PLEKHG1: variants seen among roughly 807,000 people sequenced by gnomAD.
PLEKHG1 encodes the protein pleckstrin homology domain-containing family G member 1.
A neutral mutation model predicts 100.8 loss-of-function variants in PLEKHG1; 44 were observed. That is an observed-to-expected ratio of 0.44 (90% CI 0.34 to 0.56). The LOEUF is 0.56. PLEKHG1 is among the 20% of genes least tolerant of loss of function. The pLI is 0.01. For missense variants in PLEKHG1, 1,545 were observed against 1,720.9 expected, an observed-to-expected ratio of 0.90 and a Z score of 1.81; for synonymous variants, 640 against 662.5, an observed-to-expected ratio of 0.97 and a Z score of 0.52.
At chr6:150,822,989 A>T (rs1776390459) in intron 13 of PLEKHG1, among the ~76,000 whole-genome samples, 5 of 152,216 alleles carry the variant, frequency 3.3e-5, no homozygotes, top group Admixed American at 3.3e-4. Context: ...CAAAAAAAAT[A>T]AAAAATAAAT....
intron 1 of PLEKHG1, among the ~76,000 whole-genome samples, chr6:150,726,663 A>AT (rs563628666): frequency 0.012 from 1,781 of 151,656 alleles, 34 homozygotes; most frequent in African/African-American, 0.041. Context: ...GGGTAACAAG[A>AT]TTTTTTTTTC....
At chr6:150,656,120 A>AT (rs1352091495) in intron 3 of PLEKHG1, among the ~76,000 whole-genome samples, 2 of 151,828 alleles carry the variant, frequency 1.3e-5, no homozygotes, top group South Asian at 2.1e-4. Context: ...AAATCAACCA[A>AT]TAAAAAAAAA....
chr6:150,702,833 C>T (rs753765465), intron 3 of PLEKHG1, among the ~76,000 whole-genome samples: 1 of 152,160 alleles, frequency 6.6e-6, no homozygotes, highest in Non-Finnish European at 1.5e-5. Flanking sequence ...CTTGTTGCCT[C>T]AGGGCTGTTC....
chr6:150,810,500 GA>G (rs1787434520), intron 10 of PLEKHG1, among the ~76,000 whole-genome samples: 2 of 76,126 alleles, frequency 2.6e-5, no homozygotes, highest in African/African-American at 4.8e-5. Flanking sequence ...AGGAAGGAGG[GA>G]AAGAAAGAAA....
At chr6:150,786,240 G>T (rs1263773313) in intron 3 of PLEKHG1, 150 bp from the exon 5 acceptor site, 2 of 628,860 alleles carry the variant, frequency 3.2e-6, no homozygotes, top group Non-Finnish European at 5.6e-6. Flanking sequence ...CCTTACCTAA[G>T]CCTTGGATAC....
At chr6:150,794,117 G>A (rs539323680) in intron 4 of PLEKHG1, among the ~76,000 whole-genome samples, 2 of 152,078 alleles carry the variant, frequency 1.3e-5, no homozygotes, top group African/African-American at 4.8e-5. Flanking sequence ...GATGTCATTG[G>A]TAATAGTGGA....
At chr6:150,639,735 G>A (rs1388027446) in intron 2 of PLEKHG1, among the ~76,000 whole-genome samples, 1 of 152,090 alleles carries the variant, frequency 6.6e-6, no homozygotes. Flanking sequence ...TGTTTATCGT[G>A]TAGCTGTCAG....
intron 3 of PLEKHG1, among the ~76,000 whole-genome samples, chr6:150,699,108 A>G (rs776553819): frequency 1.3e-5 from 2 of 152,232 alleles, no homozygotes; most frequent in Non-Finnish European, 2.9e-5. Flanking sequence ...GACTGGACCA[A>G]TGTCAGTTTC....
At chr6:150,817,661 G>A (rs1339835877) in intron 10 of PLEKHG1, among the ~76,000 whole-genome samples, 2 of 150,416 alleles carry the variant, frequency 1.3e-5, no homozygotes, top group African/African-American at 2.5e-5. Flanking sequence ...GGGTTCAAGC[G>A]ATTCTCCTGC....
chr6:150,694,232 C>T (rs1351215617), intron 3 of PLEKHG1, among the ~76,000 whole-genome samples: 1 of 152,174 alleles, frequency 6.6e-6, no homozygotes, highest in Non-Finnish European at 1.5e-5. Flanking sequence ...GAGTTCCAGT[C>T]CCAGACTTAG....
At position 150,840,474 on chromosome 6, in the gene PLEKHG1, CA is replaced by C. The variant is rs1777468775; in HGVS notation, c.3737del (p.Gln1246ArgfsTer12). ...CTCAGATCTCACACTCCAAGACTCA[CA>C]GAAAGTTGTGGTGGTCAATAGAAAT... is the stretch of plus-strand genomic sequence containing the variant. On this transcript the variant is annotated frameshift_variant, in exon 16 of 16. Coordinates refer to ENST00000358517, the Ensembl canonical transcript of PLEKHG1. LOFTEE classifies it low-confidence loss of function (END_TRUNC). 6.2e-7 allele frequency: 1 copy of C among 1,614,132 alleles called. No homozygotes were observed. The highest frequency in any genetic ancestry group is 8.5e-7 in the Non-Finnish European group (1 of 1,179,990).
exon 15 of PLEKHG1, chr6:150,830,878 T>A (rs1284873529): frequency 6.2e-7 from 1 of 1,614,156 alleles, no homozygotes; most frequent in South Asian, 1.1e-5. Flanking sequence ...GCAGCTGGCA[T>A]ATGGGACAGA....
intron 3 of PLEKHG1, among the ~76,000 whole-genome samples, chr6:150,778,857 G>A (rs780367490): frequency 3.3e-5 from 5 of 152,140 alleles, no homozygotes; most frequent in African/African-American, 1.2e-4. Context: ...TGTTTATCCT[G>A]TTCTAGAAAA....
In PLEKHG1 at chr6:150,835,351, A is replaced by C. The variant is rs184942749; in HGVS notation, c.3094+3146A>C. ...GCTTGAGAAATTTTCCTCCTTGTGT[A>C]GAGTAGGGAAGGCACAATTTTATGC... On this transcript the variant is annotated intron_variant, in intron 15 of 15. Coordinates refer to ENST00000358517, the Ensembl canonical transcript of PLEKHG1. Among the ~76,000 whole-genome samples, 420 of 152,246 alleles carry C rather than the reference A, an allele frequency of 2.8e-3. 4 individuals are homozygous for C. The highest frequency in any genetic ancestry group is 9.4e-3 in the African/African-American group (392 of 41,522).
At chr6:150,602,072 A>G (rs565619328) in intron 1 of PLEKHG1, among the ~76,000 whole-genome samples, 1 of 152,316 alleles carries the variant, frequency 6.6e-6, no homozygotes, top group South Asian at 2.1e-4. Context: ...CCCTTTGCGG[A>G]TATGATTTTT....
intron 3 of PLEKHG1, among the ~76,000 whole-genome samples, chr6:150,695,183 T>A (rs970596802): frequency 5.9e-5 from 9 of 152,234 alleles, no homozygotes; most frequent in Non-Finnish European, 1.3e-4. Context: ...ACAATATTTG[T>A]CCTACTTAAA....
intron 15 of PLEKHG1, 105 bp downstream of exon 16, chr6:150,832,310 C>T: frequency 1.1e-6 from 1 of 890,856 alleles, no homozygotes; most frequent in Non-Finnish European, 1.7e-6. Flanking sequence ...CACTGACACT[C>T]AAGCTTTGTC....
At chr6:150,775,619 G>A (rs1252472678) in intron 3 of PLEKHG1, among the ~76,000 whole-genome samples, 1 of 152,174 alleles carries the variant, frequency 6.6e-6, no homozygotes, top group African/African-American at 2.4e-5. Flanking sequence ...TGAGGAATGT[G>A]CAATTAATTT....
At chr6:150,804,784 A>T in intron 7 of PLEKHG1, 43 bp downstream of exon 8, 1 of 1,596,900 alleles carries the variant, frequency 6.3e-7, no homozygotes, top group Non-Finnish European at 8.6e-7. Context: ...TTGCAGGTGT[A>T]GTGACTTACT....
Sources: gnomAD v4.1 joint callset for allele counts (sites outside exome capture counted in the v4.1 genomes callset) on GRCh38, gnomAD v4.1.1 for gene constraint, MANE v1.5 for transcripts, NCBI Gene and HGNC (gene_info 2026-07-23, HGNC 2026-07-21) for gene names.